Variants in BRIP1 observed in about 807,000 individuals in gnomAD.
BRIP1 encodes BRCA1 interacting DNA helicase 1.
BRIP1 carries 88 observed loss-of-function variants against 119.7 expected under a neutral mutation model. The observed-to-expected ratio is 0.74, with a 90% confidence interval of 0.62 to 0.88. The LOEUF is 0.88. Ranked by LOEUF, BRIP1 falls within the 40% of genes least tolerant of loss-of-function variation. BRIP1 has a pLI of 0.00. For synonymous variants in BRIP1, 443 were observed against 496.5 expected (o/e 0.89, Z 1.43); for missense variants, 1,259 against 1,455.4 (o/e 0.87, Z 2.20).
At position 61,776,088 on chromosome 17, in the gene BRIP1, T is replaced by C. The variant is rs2145020015; in HGVS notation, c.2097+313A>G. The C allele has an allele frequency of 5.7e-6, 2 of 347,998 alleles. No homozygotes were observed. The highest frequency in any genetic ancestry group is 1.1e-5 in the Non-Finnish European group (2 of 182,512). 21.6% of individuals were successfully genotyped at this position (347,998 alleles called of 1,614,324 possible). A position where few individuals can be genotyped will look rare whatever the true frequency, so the allele number is the denominator to read the frequency against. On this transcript the variant is annotated intron_variant, in intron 14 of 19. Coordinates refer to ENST00000259008, the MANE Select transcript of BRIP1 (RefSeq NM_032043.3). The surrounding 1 kb of genome is among the most constrained non-coding windows in gnomAD (Gnocchi z 5.0). ...GTAGAGGCAGAGTTTCACCATGTTC[T>C]CCAGGCTGGTCTCGAACTCCTGGGC...
rs2061414284 is a variant in BRIP1 at position 61,689,405 on chromosome 17, T to A, written c.2576-3240A>T. On this transcript the variant is annotated intron_variant, in intron 18 of 19. Transcript: ENST00000259008. This position sits in a 1 kb window ranked among gnomAD's most constrained non-coding sequence, Gnocchi z 4.5. ...AAATGGAAAAAAAAAAGTGAAGGCTTATGGCTTCATTTATGACTTGACTTA... is the reference window on the plus strand; with the variant it reads ...AAATGGAAAAAAAAAAGTGAAGGCTAATGGCTTCATTTATGACTTGACTTA... Among the ~76,000 whole-genome samples the A allele has an allele frequency of 6.6e-6, 1 of 152,028 alleles. No homozygotes were observed. The highest frequency in any genetic ancestry group is 2.1e-4 in the South Asian group (1 of 4,826).
Position 61,710,542 on chromosome 17 carries a change from T to C in BRIP1, c.2492+5409A>G, listed in dbSNP as rs961218963. 2.0e-5 allele frequency among the ~76,000 whole-genome samples: 3 copies of C among 152,210 alleles called. No individual in the cohort carries two copies. The highest frequency in any genetic ancestry group is 4.8e-5 in the African/African-American group (2 of 41,460). ...TGACTTTCAATGAGGTTTTGATTGC[T>C]AAATTTGCCAAACGAATTGTATGAT... On this transcript the variant is annotated intron_variant, in intron 17 of 19. Transcript: ENST00000259008. The surrounding 1 kb of genome is among the most constrained non-coding windows in gnomAD (Gnocchi z 5.4).
chr17:61,788,371 A>G (rs1462422787), intron 10 of BRIP1, among the ~76,000 whole-genome samples: 2 of 152,170 alleles, frequency 1.3e-5, no homozygotes, highest in East Asian at 3.8e-4. Flanking sequence ...GAATGGGAAA[A>G]CTTCATAATG....
rs2145478832 is a variant in BRIP1, at chr17:61,814,903, C to T, written c.628-6146G>A. ...AAAATATATGAATGACAGTTGTATG[C>T]ATCGACATCGATAAACATGAACAAG... On this transcript the variant is annotated intron_variant, in intron 6 of 19. Coordinates refer to ENST00000259008, the MANE Select transcript of BRIP1 (RefSeq NM_032043.3). This position sits in a 1 kb window ranked among gnomAD's most constrained non-coding sequence, Gnocchi z 4.9. 6.6e-6 allele frequency among the ~76,000 whole-genome samples: 1 copy of T among 152,042 alleles called. No individual in the cohort carries two copies. The highest frequency in any genetic ancestry group is 1.9e-4 in the East Asian group (1 of 5,176).
rs2077120228 is a variant in BRIP1, at chr17:61,750,672, T to C, written c.2098-6081A>G. ...CGAAAAAACCAAACAGATTCAAATA[T>C]AGGCAAAGGACTTTAATAGACATTT... On this transcript the variant is annotated intron_variant, in intron 14 of 19. Transcript: ENST00000259008. Among the ~76,000 whole-genome samples the C allele has an allele frequency of 2.0e-5, 3 of 148,496 alleles. No individual in the cohort carries two copies. The South Asian group carries it at 6.4e-4, about 32-fold the overall frequency.
At position 61,684,040 on chromosome 17, in the gene BRIP1, C is replaced by A. The variant is rs546083449; in HGVS notation, c.3006G>T (p.Trp1002Cys). Reference protein sequence around the residue: ...TFNKQTKRVSWSSFNSLGQYF... With the variant: ...TFNKQTKRVSCSSFNSLGQYF... ...ACTGTCCCAAAGAATTAAAGCTTGACCAGCTAACTCTCTTTGTTTGTTTGT... is the reference window on the plus strand; with the variant it reads ...ACTGTCCCAAAGAATTAAAGCTTGAACAGCTAACTCTCTTTGTTTGTTTGT... The change falls in exon 20 of 20, where the codon TGG (tryptophan) becomes TGT (cysteine). Residue 1002 changes from tryptophan to cysteine, a missense_variant. By Grantham distance (215) the Trp-to-Cys change is radical (BLOSUM62 -2). Coordinates refer to ENST00000259008, the MANE Select transcript of BRIP1 (RefSeq NM_032043.3). The surrounding 1 kb of genome is among the most constrained non-coding windows in gnomAD (Gnocchi z 4.5). 1 of 1,613,866 alleles carries A rather than the reference C, an allele frequency of 6.2e-7. No homozygotes were observed. The highest frequency in any genetic ancestry group is 1.7e-5 in the Admixed American group (1 of 59,964).
At chr17:61,702,577 G>A (rs778401585) in intron 17 of BRIP1, among the ~76,000 whole-genome samples, 1 of 152,208 alleles carries the variant, frequency 6.6e-6, no homozygotes, top group South Asian at 2.1e-4. Context: ...CTGTTCCTCC[G>A]TTAGTTCATT....
intron 7 of BRIP1, among the ~76,000 whole-genome samples, chr17:61,801,992 T>C (rs2078003525): frequency 6.6e-6 from 1 of 152,004 alleles, no homozygotes; most frequent in Admixed American, 6.6e-5. Flanking sequence ...TGGAATGTCC[T>C]AAGGGGAAAA....
chr17:61,790,533 C>T (rs926046116), intron 10 of BRIP1, among the ~76,000 whole-genome samples: 6 of 151,912 alleles, frequency 3.9e-5, no homozygotes, highest in Admixed American at 1.3e-4. Flanking sequence ...GCAACAAGGG[C>T]GAAACTCCAT....
chr17:61,809,591 T>G lies in BRIP1; in HGVS notation c.628-834A>C, dbSNP rs1603347616. ...TTCTCAAATACTAAAAAAAAAAGTTTAATGCTATATATTAGAACTCACAGG... is the reference window on the plus strand; with the variant it reads ...TTCTCAAATACTAAAAAAAAAAGTTGAATGCTATATATTAGAACTCACAGG... On this transcript the variant is annotated intron_variant, in intron 6 of 19. Coordinates refer to ENST00000259008, the MANE Select transcript of BRIP1 (RefSeq NM_032043.3). The surrounding 1 kb of genome is among the most constrained non-coding windows in gnomAD (Gnocchi z 5.2). Among the ~76,000 whole-genome samples the G allele has an allele frequency of 6.6e-6, 1 of 152,316 alleles. No homozygotes were observed. Among genetic ancestry groups the G allele is most frequent in the East Asian group, 1.9e-4 (1 of 5,186 alleles).
chr17:61,769,794 A>G lies in BRIP1; in HGVS notation c.2097+6607T>C, dbSNP rs2077421692. On this transcript the variant is annotated intron_variant, in intron 14 of 19. Transcript: ENST00000259008. This position sits in a 1 kb window ranked among gnomAD's most constrained non-coding sequence, Gnocchi z 4.9. ...AGAATCAAGATATGCTTACTGGGAC[A>G]GCGGCCACTAAAACATAAATTGACA... 6.6e-6 allele frequency among the ~76,000 whole-genome samples: 1 copy of G among 152,338 alleles called. No individual in the cohort carries two copies. Among genetic ancestry groups the G allele is most frequent in the East Asian group, 1.9e-4 (1 of 5,186 alleles).
In BRIP1 at chr17:61,728,522, C is replaced by T. The variant is rs1266763336; in HGVS notation, c.2380-12459G>A. On this transcript the variant is annotated intron_variant, in intron 16 of 19. Coordinates refer to ENST00000259008, the MANE Select transcript of BRIP1 (RefSeq NM_032043.3). Reference sequence around the variant, plus strand: ...GCAGAAAAGAGAAAGTTCAAACCAACGTATCCACAGAGCTACTGCTGGGAC... The same window carrying T: ...GCAGAAAAGAGAAAGTTCAAACCAATGTATCCACAGAGCTACTGCTGGGAC... Among the ~76,000 whole-genome samples the T allele has an allele frequency of 2.6e-5, 4 of 152,168 alleles. No homozygotes were observed. In the East Asian group the frequency reaches 5.8e-4, roughly 22 times the overall value.
rs2145796053 is a variant in BRIP1, at chr17:61,853,080, TAAC to T, written c.380-3827_380-3825del. On this transcript the variant is annotated intron_variant, in intron 4 of 19. Coordinates refer to ENST00000259008, the MANE Select transcript of BRIP1 (RefSeq NM_032043.3). The surrounding 1 kb of genome is among the most constrained non-coding windows in gnomAD (Gnocchi z 4.3). Reference sequence around the variant, plus strand: ...ACAATACTGAAAACAACCCAATGCCTAACAACTGTAGAACAGATTAATAAACTG... The same window carrying T: ...ACAATACTGAAAACAACCCAATGCCTAACTGTAGAACAGATTAATAAACTG... Among the ~76,000 whole-genome samples the T allele has an allele frequency of 6.6e-6, 1 of 152,262 alleles. No individual in the cohort carries two copies. Among genetic ancestry groups the T allele is most frequent in the South Asian group, 2.1e-4 (1 of 4,820 alleles).
In BRIP1 at chr17:61,730,399, GA is replaced by G. The variant is rs2076828842; in HGVS notation, c.2379+12613del. 1.3e-5 allele frequency among the ~76,000 whole-genome samples: 2 copies of G among 152,130 alleles called. No individual in the cohort carries two copies. Among genetic ancestry groups the G allele is most frequent in the African/African-American group, 4.8e-5 (2 of 41,426 alleles). ...AAAAGAAAAAAATTAGTTATTTTCA[GA>G]GAAGCTAAAAAACAATCCCACCACT... On this transcript the variant is annotated intron_variant, in intron 16 of 19. Coordinates refer to ENST00000259008, the MANE Select transcript of BRIP1 (RefSeq NM_032043.3). The surrounding 1 kb of genome is among the most constrained non-coding windows in gnomAD (Gnocchi z 4.3).
At position 61,710,200 on chromosome 17, in the gene BRIP1, A is replaced by G. The variant is rs1489423280; in HGVS notation, c.2492+5751T>C. Among the ~76,000 whole-genome samples, 1 of 152,174 alleles carries G rather than the reference A, an allele frequency of 6.6e-6. No homozygotes were observed. Among genetic ancestry groups the G allele is most frequent in the Non-Finnish European group, 1.5e-5 (1 of 68,032 alleles). On this transcript the variant is annotated intron_variant, in intron 17 of 19. Coordinates refer to ENST00000259008, the MANE Select transcript of BRIP1 (RefSeq NM_032043.3). The surrounding 1 kb of genome is among the most constrained non-coding windows in gnomAD (Gnocchi z 5.4). ...TAAAATTCTAAAAGTACAGTATTAT[A>G]TATCAATACTATAAATACATGATTT...
chr17:61,680,929 T>C lies in BRIP1; in HGVS notation c.*2367A>G, dbSNP rs2061261803. ...GTCATACCCAAGACTGGGTAATTTA[T>C]AAAGGAAAGAGGTTTAATTGACTCA... On this transcript the variant is annotated 3_prime_UTR_variant, in exon 20 of 20. Transcript: ENST00000259008. Among the ~76,000 whole-genome samples the C allele has an allele frequency of 6.6e-6, 1 of 152,146 alleles. No individual in the cohort carries two copies. Among genetic ancestry groups the C allele is most frequent in the African/African-American group, 2.4e-5 (1 of 41,426 alleles).
At chr17:61,838,941 T>C (rs2078618165) in intron 6 of BRIP1, among the ~76,000 whole-genome samples, 1 of 152,032 alleles carries the variant, frequency 6.6e-6, no homozygotes, top group Non-Finnish European at 1.5e-5. Context: ...CATGAAACTA[T>C]TTTTCTTCTA....
At chr17:61,723,591 T>G (rs73328548) in intron 16 of BRIP1, among the ~76,000 whole-genome samples, 93 of 152,308 alleles carry the variant, frequency 6.1e-4, no homozygotes, top group African/African-American at 2.1e-3. Context: ...TTTTCTAAGT[T>G]TTGACAGAAA....
intron 6 of BRIP1, among the ~76,000 whole-genome samples, chr17:61,811,352 T>C (rs983823055): frequency 2.0e-5 from 3 of 151,866 alleles, no homozygotes; most frequent in African/African-American, 7.3e-5. Flanking sequence ...GCCTCCCAAG[T>C]AGCTGCGATT....
Sources: gnomAD v4.1 joint callset for allele counts (sites outside exome capture counted in the v4.1 genomes callset) on GRCh38, gnomAD v4.1.1 for gene constraint, Gnocchi (gnomAD v3.1) non-coding constraint, MANE v1.5 for transcripts, NCBI Gene and HGNC (gene_info 2026-07-23, HGNC 2026-07-21) for gene names.